TMEM150C: variants seen among roughly 807,000 people sequenced by gnomAD.
TMEM150C encodes the protein transmembrane protein 150C, also known as tentonin 3.
Under a neutral mutation model 29.9 loss-of-function variants are expected in TMEM150C, and 10 were observed. The observed-to-expected ratio is 0.33, with a 90% CI of 0.21 to 0.57. TMEM150C has a LOEUF of 0.57. Among genes scored for constraint, TMEM150C ranks in the 20% least tolerant of loss-of-function variants. The pLI is 0.88. For missense variants in TMEM150C, 251 were observed against 303.6 expected (o/e 0.83, Z 1.29); for synonymous variants, 101 against 112.5 (o/e 0.90, Z 0.64).
chr4:82,561,081 G>T lies in TMEM150C; in HGVS notation c.-11+825C>A, dbSNP rs537960733. On this transcript the variant is annotated intron_variant, in intron 1 of 7. Coordinates refer to ENST00000449862, the MANE Select transcript of TMEM150C (RefSeq NM_001080506.3). ...TGGGACATCATAAAGTGCTGTGGGG[G>T]TAGGGGTGGAGGAAAGGAATGAGTA... Among the ~76,000 whole-genome samples, 405 of 152,314 alleles carry T rather than the reference G, an allele frequency of 2.7e-3. 3 individuals carry two copies. The highest frequency in any genetic ancestry group is 9.0e-3 in the African/African-American group (374 of 41,568).
chr4:82,524,955 A>G (rs954397314), intron 1 of TMEM150C, among the ~76,000 whole-genome samples: 21 of 152,204 alleles, frequency 1.4e-4, no homozygotes, highest in African/African-American at 5.1e-4. Flanking sequence ...CTAAATGAGA[A>G]GGATTTTTAC....
Position 82,483,860 on chromosome 4 carries a change from C to T in TMEM150C, c.*1651G>A, listed in dbSNP as rs528971392. ...AGGCTGGAGTGCAATGGCGTGATCT[C>T]GTCTCACCGCAACCTGCCTCCCGGG... On this transcript the variant is annotated 3_prime_UTR_variant, in exon 8 of 8. Coordinates refer to ENST00000449862, the MANE Select transcript of TMEM150C (RefSeq NM_001080506.3). 2 of 148,430 alleles carry T rather than the reference C, an allele frequency of 1.3e-5. No individual in the cohort carries two copies. Among genetic ancestry groups the T allele is most frequent in the East Asian group, 2.0e-4 (1 of 5,120 alleles). 9.2% of individuals were successfully genotyped at this position (148,430 alleles called of 1,614,324 possible).
chr4:82,542,211 G>A (rs1725223168), intron 1 of TMEM150C, among the ~76,000 whole-genome samples: 1 of 152,158 alleles, frequency 6.6e-6, no homozygotes, highest in African/African-American at 2.4e-5. Flanking sequence ...GAAAAGGTAA[G>A]GTTTATGGAA....
At chr4:82,504,858 G>A (rs1006982439) in intron 1 of TMEM150C, among the ~76,000 whole-genome samples, 191 bp from the exon 2 acceptor site, 2 of 152,104 alleles carry the variant, frequency 1.3e-5, no homozygotes, top group East Asian at 3.9e-4. Context: ...GTGAAACCCC[G>A]TCTCTACTGA....
At chr4:82,524,402 AAG>A (rs1724588928) in intron 1 of TMEM150C, among the ~76,000 whole-genome samples, 1 of 152,318 alleles carries the variant, frequency 6.6e-6, no homozygotes, top group East Asian at 1.9e-4. Flanking sequence ...CATTTCTAAA[AAG>A]AGAGACATGT....
In TMEM150C at chr4:82,538,055, T is replaced by A. The variant is rs532395106; in HGVS notation, c.-11+23851A>T. On this transcript the variant is annotated intron_variant, in intron 1 of 7. Coordinates refer to ENST00000449862, the MANE Select transcript of TMEM150C (RefSeq NM_001080506.3). Reference sequence around the variant, plus strand: ...TATATAAAGATGTTCATCTCTGCATTATTTTTATTTTATTTTATTTTGAGA... The same window carrying A: ...TATATAAAGATGTTCATCTCTGCATAATTTTTATTTTATTTTATTTTGAGA... Among the ~76,000 whole-genome samples, 87 of 152,308 alleles carry A rather than the reference T, an allele frequency of 5.7e-4. 1 individual carries two copies. Among genetic ancestry groups the A allele is most frequent in the African/African-American group, 2.0e-3 (85 of 41,574 alleles).
intron 1 of TMEM150C, among the ~76,000 whole-genome samples, chr4:82,550,885 T>C (rs945893649): frequency 1.3e-5 from 2 of 151,408 alleles, no homozygotes; most frequent in African/African-American, 4.9e-5. Context: ...AATGGGATAG[T>C]GGGGTTAAGA....
At chr4:82,554,388 A>G (rs950942524) in intron 1 of TMEM150C, among the ~76,000 whole-genome samples, 2 of 152,232 alleles carry the variant, frequency 1.3e-5, no homozygotes, top group African/African-American at 2.4e-5. Context: ...TTGCATTACA[A>G]TGGTATCAAC....
intron 1 of TMEM150C, among the ~76,000 whole-genome samples, chr4:82,511,263 G>T (rs929985517): frequency 1.3e-5 from 2 of 152,064 alleles, no homozygotes; most frequent in Admixed American, 6.6e-5. Context: ...TGTAGTAAAA[G>T]ATTTCTATTA....
intron 1 of TMEM150C, among the ~76,000 whole-genome samples, chr4:82,561,523 C>T (rs1413283268): frequency 6.7e-6 from 1 of 148,394 alleles, no homozygotes; most frequent in African/African-American, 2.5e-5. Context: ...GATGGGGCGG[C>T]GGGTGGGGAC....
rs931619536 is a variant in TMEM150C, at chr4:82,561,960, T to TGGC, written c.-68_-66dup. 1 of 1,104,206 alleles carries TGGC rather than the reference T, an allele frequency of 9.1e-7. No individual in the cohort carries two copies. Among genetic ancestry groups the TGGC allele is most frequent in the Non-Finnish European group, 1.1e-6 (1 of 900,068 alleles). 68.4% of individuals were successfully genotyped at this position (1,104,206 alleles called of 1,614,324 possible). Reference sequence around the variant, plus strand: ...CTCGAGGGGCTGTGACCTGCTGCGGTGGCGGCGGCGGCAGCAGTAGCGGCG... The same window carrying TGGC: ...CTCGAGGGGCTGTGACCTGCTGCGGTGGCGGCGGCGGCGGCAGCAGTAGCGGCG... On this transcript the variant is annotated 5_prime_UTR_variant, in exon 1 of 8. Transcript: ENST00000449862.
intron 1 of TMEM150C, among the ~76,000 whole-genome samples, chr4:82,547,534 A>T (rs1043461058): frequency 6.6e-6 from 1 of 152,134 alleles, no homozygotes; most frequent in African/African-American, 2.4e-5. Context: ...GGTTGCAGGG[A>T]GCTGAGATTG....
chr4:82,561,848 GC>G (rs539351285), intron 1 of TMEM150C, 57 bp downstream of exon 1: 1 of 976,908 alleles, frequency 1.0e-6, no homozygotes, highest in Non-Finnish European at 1.2e-6. Context: ...ACGGGGCCGG[GC>G]CGGACGCCCC....
At chr4:82,510,290 C>CA (rs375456747) in intron 1 of TMEM150C, among the ~76,000 whole-genome samples, 35 of 147,232 alleles carry the variant, frequency 2.4e-4, no homozygotes, top group African/African-American at 3.5e-4. Flanking sequence ...AAAACAAAAA[C>CA]AAAAAAAAAA....
chr4:82,514,193 G>A (rs986579563), intron 1 of TMEM150C, among the ~76,000 whole-genome samples: 1 of 152,236 alleles, frequency 6.6e-6, no homozygotes, highest in Non-Finnish European at 1.5e-5. Context: ...AGTCTAGTCA[G>A]GCAAGCTCCT....
chr4:82,489,929 T>A (rs1239893774), intron 7 of TMEM150C, 132 bp downstream of exon 7: 9 of 866,504 alleles, frequency 1.0e-5, no homozygotes, highest in Non-Finnish European at 1.6e-5. Flanking sequence ...TTTGTTTTTA[T>A]ACCTGTTTAC....
chr4:82,488,189 TTTGG>T (rs1208685657), intron 7 of TMEM150C, among the ~76,000 whole-genome samples: 2 of 152,180 alleles, frequency 1.3e-5, no homozygotes, highest in Admixed American at 6.6e-5. Flanking sequence ...ACACAGGATG[TTTGG>T]TTTTTCATTC....
At chr4:82,550,735 A>G (rs879025261) in intron 1 of TMEM150C, among the ~76,000 whole-genome samples, 1 of 151,940 alleles carries the variant, frequency 6.6e-6, no homozygotes, top group Admixed American at 6.6e-5. Context: ...GCTTGCAGTG[A>G]GCCGAGATCG....
At chr4:82,523,229 G>A (rs900411391) in intron 1 of TMEM150C, among the ~76,000 whole-genome samples, 4 of 152,130 alleles carry the variant, frequency 2.6e-5, no homozygotes, top group African/African-American at 7.2e-5. Flanking sequence ...CCAGAGGGAT[G>A]GGGGCGGGGG....
Sources: gnomAD v4.1 joint callset for allele counts (sites outside exome capture counted in the v4.1 genomes callset) on GRCh38, gnomAD v4.1.1 for gene constraint, MANE v1.5 for transcripts, NCBI Gene and HGNC (gene_info 2026-07-23, HGNC 2026-07-21) for gene names.